STARD13: variants seen among roughly 807,000 people sequenced by gnomAD.
The protein encoded by STARD13 is stAR-related lipid transfer protein 13.
A neutral mutation model predicts 106.4 loss-of-function variants in STARD13; 62 were observed. The ratio of observed to expected loss-of-function variants is 0.58; its 90% confidence interval spans 0.48 to 0.72. STARD13 has a LOEUF of 0.72. Ranked by LOEUF, STARD13 falls within the 30% of genes least tolerant of loss-of-function variation. The pLI is 0.00. For synonymous variants in STARD13, 565 were observed against 553.0 expected, an observed-to-expected ratio of 1.02 and a Z score of -0.31; for missense variants, 1,387 against 1,424.0, an observed-to-expected ratio of 0.97 and a Z score of 0.42.
At chr13:33,431,832 A>G in the STARD13 span, among the ~76,000 whole-genome samples, 1 of 152,220 alleles carries the variant, frequency 6.6e-6, no homozygotes, top group African/African-American at 2.4e-5. Flanking sequence ...AGGGATACCA[A>G]GAACATAAGT....
chr13:33,507,843 T>C, the STARD13 span, among the ~76,000 whole-genome samples: 1 of 152,204 alleles, frequency 6.6e-6, no homozygotes, highest in African/African-American at 2.4e-5. Flanking sequence ...TATTTATTAT[T>C]GATTAAGTGG....
At chr13:33,474,837 C>T in the STARD13 span, among the ~76,000 whole-genome samples, 32 of 152,282 alleles carry the variant, frequency 2.1e-4, 1 homozygote, top group East Asian at 5.4e-3. Context: ...GCTGAATCCT[C>T]TGAGCTATTG....
At chr13:33,619,639 G>T in the STARD13 span, among the ~76,000 whole-genome samples, 1 of 151,794 alleles carries the variant, frequency 6.6e-6, no homozygotes, top group Non-Finnish European at 1.5e-5. Context: ...AAAAATTTTT[G>T]ATTTTACAAA....
chr13:33,185,266 C>T (rs1182822288), intron 1 of STARD13, among the ~76,000 whole-genome samples: 1 of 152,212 alleles, frequency 6.6e-6, no homozygotes. Context: ...CTTAAGATCA[C>T]GGGATGAAGG....
the STARD13 span, among the ~76,000 whole-genome samples, chr13:33,574,004 A>G: frequency 9.2e-5 from 14 of 152,212 alleles, no homozygotes; most frequent in African/African-American, 3.4e-4. Flanking sequence ...GAAAGCTTGA[A>G]GCTTGTCCTT....
chr13:33,559,799 G>C, the STARD13 span, among the ~76,000 whole-genome samples: 29 of 151,640 alleles, frequency 1.9e-4, 2 homozygotes, highest in African/African-American at 5.9e-4. Flanking sequence ...GGACGTTGCA[G>C]TGAGCCAAGA....
chr13:33,470,878 T>C, the STARD13 span, among the ~76,000 whole-genome samples: 5 of 152,234 alleles, frequency 3.3e-5, no homozygotes, highest in Non-Finnish European at 7.3e-5. Context: ...GTAGGTTGCC[T>C]ATTCACTCTG....
the STARD13 span, among the ~76,000 whole-genome samples, chr13:33,600,506 T>C: frequency 6.6e-6 from 1 of 151,998 alleles, no homozygotes; most frequent in African/African-American, 2.4e-5. Context: ...TCCATTTGTA[T>C]GTACACACAG....
chr13:33,115,105 T>C (rs1472902006), intron 8 of STARD13, among the ~76,000 whole-genome samples: 3 of 152,166 alleles, frequency 2.0e-5, no homozygotes, highest in Admixed American at 6.5e-5. Flanking sequence ...TAAAGCCTTA[T>C]GGTTGTCTTT....
At chr13:33,118,550 T>C (rs190188752) in intron 7 of STARD13, among the ~76,000 whole-genome samples, 315 of 152,358 alleles carry the variant, frequency 2.1e-3, no homozygotes, top group African/African-American at 7.5e-3. Context: ...GATGTTATTA[T>C]TATTTTATTC....
At chr13:33,505,784 T>G in the STARD13 span, among the ~76,000 whole-genome samples, 1 of 152,130 alleles carries the variant, frequency 6.6e-6, no homozygotes, top group Non-Finnish European at 1.5e-5. Flanking sequence ...ATGAGTCCTT[T>G]TATGGTGGGT....
At chr13:33,333,355 TCCA>T (rs1177597163) in intron 1 of STARD13, among the ~76,000 whole-genome samples, 2 of 152,162 alleles carry the variant, frequency 1.3e-5, no homozygotes, top group Non-Finnish European at 2.9e-5. Context: ...GCCACTGCAC[TCCA>T]GCTTGGGCAA....
intron 1 of STARD13, among the ~76,000 whole-genome samples, chr13:33,169,170 G>T (rs756282793): frequency 1.3e-5 from 2 of 152,204 alleles, no homozygotes; most frequent in Non-Finnish European, 2.9e-5. Flanking sequence ...AAAAGCTATT[G>T]AAAGCATTTC....
At chr13:33,456,095 T>C in the STARD13 span, among the ~76,000 whole-genome samples, 1 of 152,234 alleles carries the variant, frequency 6.6e-6, no homozygotes, top group Non-Finnish European at 1.5e-5. Context: ...TTATATATTG[T>C]CTATGGCTGC....
chr13:33,266,522 G>A (rs1215360643), intron 1 of STARD13, among the ~76,000 whole-genome samples: 1 of 152,134 alleles, frequency 6.6e-6, no homozygotes, highest in Non-Finnish European at 1.5e-5. Context: ...CTTATCATCT[G>A]TATTTCCTAT....
At chr13:33,374,397 G>T in the STARD13 span, among the ~76,000 whole-genome samples, 2 of 152,074 alleles carry the variant, frequency 1.3e-5, no homozygotes, top group Non-Finnish European at 2.9e-5. Flanking sequence ...TAATGCCAAA[G>T]AACTATATAC....
the STARD13 span, among the ~76,000 whole-genome samples, chr13:33,394,225 A>G: frequency 5.9e-5 from 9 of 151,814 alleles, no homozygotes; most frequent in African/African-American, 2.2e-4. Flanking sequence ...TTTTCTATCA[A>G]CTATCCCTGG....
the STARD13 span, among the ~76,000 whole-genome samples, chr13:33,636,410 A>G: frequency 6.6e-5 from 10 of 152,078 alleles, no homozygotes; most frequent in African/African-American, 2.2e-4. Flanking sequence ...GAACGTGTAA[A>G]ATTCATTATC....
chr13:33,134,795 A>G (rs1239470969), intron 4 of STARD13, among the ~76,000 whole-genome samples: 1 of 152,250 alleles, frequency 6.6e-6, no homozygotes, highest in Non-Finnish European at 1.5e-5. Context: ...ATAAAATTTC[A>G]TAAAAGTAAA....
Sources: gnomAD v4.1 joint callset for allele counts (sites outside exome capture counted in the v4.1 genomes callset) on GRCh38, gnomAD v4.1.1 for gene constraint, MANE v1.5 for transcripts, NCBI Gene and HGNC (gene_info 2026-07-23, HGNC 2026-07-21) for gene names.